The following SLC25A48 variants were observed in gnomAD, a reference collection of about 807,000 sequenced individuals.
SLC25A48 encodes solute carrier family 25 member 48, also known as CTC-321K16.1.
A neutral mutation model predicts 32.2 loss-of-function variants in SLC25A48; 29 were observed. The ratio of observed to expected loss-of-function variants is 0.90; its 90% CI spans 0.67 to 1.23. The LOEUF (loss-of-function observed/expected upper bound fraction) is 1.23, where lower values mean the gene tolerates loss of function less well. Ranked by LOEUF, SLC25A48 falls within the 50% of genes most tolerant of loss-of-function variation. SLC25A48 has a pLI of 0.00. For missense variants in SLC25A48, 399 were observed against 422.7 expected, an observed-to-expected ratio of 0.94 and a Z score of 0.49; for synonymous variants, 164 against 172.3, an observed-to-expected ratio of 0.95 and a Z score of 0.38.
chr5:135,771,460 C>T (rs1396996291), intron 3 of SLC25A48, among the ~76,000 whole-genome samples: 1 of 151,362 alleles, frequency 6.6e-6, no homozygotes, highest in Non-Finnish European at 1.5e-5. Context: ...TATAATTTTC[C>T]ACATCATGGG....
intron 3 of SLC25A48, among the ~76,000 whole-genome samples, chr5:135,780,547 T>C (rs2126621241): frequency 8.5e-6 from 1 of 118,084 alleles, no homozygotes; most frequent in East Asian, 2.1e-4. Flanking sequence ...GTGATATTGT[T>C]CCTAGTATCC....
chr5:135,752,687 A>G (rs756131016), intron 3 of SLC25A48, among the ~76,000 whole-genome samples: 4 of 152,156 alleles, frequency 2.6e-5, no homozygotes, highest in African/African-American at 4.8e-5. Context: ...GTGTACACCC[A>G]AAGTGATTTC....
At chr5:135,826,182 C>A (rs1427144151) in intron 4 of SLC25A48, among the ~76,000 whole-genome samples, 1 of 152,086 alleles carries the variant, frequency 6.6e-6, no homozygotes, top group African/African-American at 2.4e-5. Context: ...TCTCCCAGCC[C>A]CTCTCAGCCC....
intron 4 of SLC25A48, among the ~76,000 whole-genome samples, 196 bp downstream of exon 4, chr5:135,853,017 T>G (rs551085214): frequency 1.3e-5 from 2 of 152,236 alleles, no homozygotes; most frequent in Admixed American, 1.3e-4. Context: ...AATATCACAA[T>G]AAAAGTCACA....
At chr5:135,640,802 C>A (rs888678546) in intron 3 of SLC25A48, among the ~76,000 whole-genome samples, 5 of 152,094 alleles carry the variant, frequency 3.3e-5, no homozygotes, top group Non-Finnish European at 7.4e-5. Flanking sequence ...AACACCCATT[C>A]ATGATCAAAA....
chr5:135,851,124 C>T (rs141705941), intron 3 of SLC25A48, among the ~76,000 whole-genome samples: 27 of 152,298 alleles, frequency 1.8e-4, no homozygotes, highest in Middle Eastern at 3.4e-3. Context: ...GGAACCCTGT[C>T]GCAGCCCTCT....
At chr5:135,775,427 G>A (rs1291407257) in intron 3 of SLC25A48, among the ~76,000 whole-genome samples, 1 of 151,458 alleles carries the variant, frequency 6.6e-6, no homozygotes, top group Non-Finnish European at 1.5e-5. Flanking sequence ...AATGTTCAGG[G>A]GAAAGAGAAT....
rs555579982 is a variant in SLC25A48 at position 135,717,455 on chromosome 5, A to G, written c.-521+82499A>G. ...TGGACCGAATTTGCCCCCAAAAGAT[A>G]TGGAATCCTAACCCCAGTACCTGTG... On this transcript the variant is annotated intron_variant, in intron 3 of 10. Coordinates refer to the SLC25A48 transcript ENST00000646290. 2.6e-5 allele frequency among the ~76,000 whole-genome samples: 4 copies of G among 152,352 alleles called. No individual in the cohort carries two copies. The East Asian group carries it at 7.7e-4, about 29-fold the overall frequency.
At chr5:135,887,922 G>A (rs1762793816) in intron 7 of SLC25A48, 110 bp from the exon 8 acceptor site, 4 of 1,035,138 alleles carry the variant, frequency 3.9e-6, no homozygotes, top group Non-Finnish European at 5.8e-6. Flanking sequence ...TTTGTAAACT[G>A]TAAAGTGCAA....
intron 3 of SLC25A48, among the ~76,000 whole-genome samples, chr5:135,770,551 T>A (rs569517989): frequency 4.6e-4 from 70 of 151,568 alleles, no homozygotes; most frequent in African/African-American, 1.6e-3. Flanking sequence ...GGGGAGAGAA[T>A]GATGTTACCC....
intron 3 of SLC25A48, among the ~76,000 whole-genome samples, chr5:135,792,721 C>T (rs10062834): frequency 0.021 from 3,210 of 151,710 alleles, 112 homozygotes; most frequent in African/African-American, 0.073. Context: ...TTTGTAATAT[C>T]CTTGCGAGAT....
chr5:135,599,619 G>A (rs1751740884), intron 1 of SLC25A48, among the ~76,000 whole-genome samples: 1 of 152,234 alleles, frequency 6.6e-6, no homozygotes, highest in African/African-American at 2.4e-5. Flanking sequence ...AGCACTGGCT[G>A]TGTGAATGGC....
At chr5:135,778,477 T>A (rs1400550996) in intron 3 of SLC25A48, among the ~76,000 whole-genome samples, 1 of 151,804 alleles carries the variant, frequency 6.6e-6, no homozygotes, top group African/African-American at 2.4e-5. Context: ...TGTGATATGT[T>A]TCCTAATGTC....
In SLC25A48 at chr5:135,751,480, C is replaced by T. The variant is rs1487182611; in HGVS notation, c.-520-61043C>T. On this transcript the variant is annotated intron_variant, in intron 3 of 10. Coordinates refer to the SLC25A48 transcript ENST00000646290. ...GAGGACACAAGCCAGGGGTTTTACA[C>T]TGGTTTTGAAATGTTTCCACTAGAA... Among the ~76,000 whole-genome samples, 7 of 152,138 alleles carry T rather than the reference C, an allele frequency of 4.6e-5. No homozygotes were observed. In the East Asian group the frequency reaches 1.4e-3, roughly 29 times the overall value.
chr5:135,857,057 A>T (rs1760384121), intron 4 of SLC25A48, among the ~76,000 whole-genome samples: 1 of 152,200 alleles, frequency 6.6e-6, no homozygotes, highest in African/African-American at 2.4e-5. Context: ...CTTTGCGAAT[A>T]TCTGTTTGCA....
At chr5:135,831,991 T>C (rs1758223812), upstream of SLC25A48, among the ~76,000 whole-genome samples, 1 of 152,052 alleles carries the variant, frequency 6.6e-6, no homozygotes, top group South Asian at 2.1e-4. Context: ...GCTGGTGGGA[T>C]AAGACCTTGG....
At chr5:135,749,758 A>G (rs1755726908) in intron 3 of SLC25A48, among the ~76,000 whole-genome samples, 2 of 152,004 alleles carry the variant, frequency 1.3e-5, no homozygotes, top group South Asian at 4.2e-4. Flanking sequence ...CGCTGGGCTA[A>G]TTTTTGTATA....
intron 3 of SLC25A48, among the ~76,000 whole-genome samples, chr5:135,721,548 C>T (rs1211044123): frequency 6.6e-6 from 1 of 152,100 alleles, no homozygotes; most frequent in East Asian, 1.9e-4. Flanking sequence ...TGTCTCATTA[C>T]ACTTTGGGAC....
At chr5:135,611,496 C>CAAAAAA (rs57138043) in intron 1 of SLC25A48, among the ~76,000 whole-genome samples, 1,071 of 21,058 alleles carry the variant, frequency 0.051, 26 homozygotes, top group East Asian at 0.11. Flanking sequence ...GACTCCATCT[C>CAAAAAA]AAAAAAAAAA....
Sources: allele counts gnomAD v4.1 joint callset (sites outside exome capture counted in the v4.1 genomes callset), GRCh38; gene constraint gnomAD v4.1.1; transcripts MANE v1.5; gene names NCBI Gene and HGNC (gene_info 2026-07-23, HGNC 2026-07-21).